ENTREP2: variants seen among roughly 807,000 people sequenced by gnomAD.
ENTREP2 encodes protein ENTREP2.
chr15:29,456,104 C>T, the ENTREP2 span, among the ~76,000 whole-genome samples: 1 of 152,154 alleles, frequency 6.6e-6, no homozygotes, highest in Non-Finnish European at 1.5e-5. Flanking sequence ...ATCCCCACCC[C>T]CTCCCTGTCC....
At chr15:29,141,557 G>A in the ENTREP2 span, among the ~76,000 whole-genome samples, 1 of 152,116 alleles carries the variant, frequency 6.6e-6, no homozygotes, top group South Asian at 2.1e-4. Context: ...GGTCCCAGCC[G>A]GGTCTGCTCA....
chr15:29,644,461 G>C, the ENTREP2 span, among the ~76,000 whole-genome samples: 5 of 152,196 alleles, frequency 3.3e-5, no homozygotes, highest in Admixed American at 1.3e-4. Flanking sequence ...GTCATATAGA[G>C]ACAGGGAAGT....
At chr15:29,284,025 A>G in the ENTREP2 span, among the ~76,000 whole-genome samples, 1 of 152,224 alleles carries the variant, frequency 6.6e-6, no homozygotes. Flanking sequence ...GGATCAAGAT[A>G]TGGAGGGTGG....
the ENTREP2 span, among the ~76,000 whole-genome samples, chr15:29,235,667 A>T: frequency 6.6e-6 from 1 of 152,338 alleles, no homozygotes; most frequent in South Asian, 2.1e-4. Flanking sequence ...ACCTCAGGAA[A>T]CTAGATAAAG....
the ENTREP2 span, among the ~76,000 whole-genome samples, chr15:29,171,555 T>C: frequency 4.3e-3 from 661 of 152,286 alleles, 2 homozygotes; most frequent in African/African-American, 0.015. Flanking sequence ...GTAAGGTATT[T>C]TTTTTTAAGG....
the ENTREP2 span, among the ~76,000 whole-genome samples, chr15:29,386,432 C>T: frequency 6.6e-6 from 1 of 152,260 alleles, no homozygotes; most frequent in South Asian, 2.1e-4. Flanking sequence ...TGTCACACGC[C>T]CGGTGAGGCG....
chr15:29,332,304 G>A, the ENTREP2 span, among the ~76,000 whole-genome samples: 2 of 151,946 alleles, frequency 1.3e-5, no homozygotes, highest in Non-Finnish European at 2.9e-5. Context: ...TATAGCCATA[G>A]CTTTACATGT....
At chr15:29,358,730 G>A in the ENTREP2 span, among the ~76,000 whole-genome samples, 14 of 151,932 alleles carry the variant, frequency 9.2e-5, no homozygotes, top group African/African-American at 2.9e-4. Flanking sequence ...CACTCTCAAC[G>A]TGGTATTTAT....
chr15:29,561,974 G>A, the ENTREP2 span, among the ~76,000 whole-genome samples: 1 of 152,200 alleles, frequency 6.6e-6, no homozygotes, highest in Non-Finnish European at 1.5e-5. Context: ...CCAATGGTGA[G>A]AAGGGCTGAC....
chr15:29,289,951 A>G, the ENTREP2 span, among the ~76,000 whole-genome samples: 1 of 152,182 alleles, frequency 6.6e-6, no homozygotes, highest in Non-Finnish European at 1.5e-5. Context: ...AAATGCATAA[A>G]TAAAATGCAG....
chr15:29,255,986 G>A, the ENTREP2 span, among the ~76,000 whole-genome samples: 1 of 132,842 alleles, frequency 7.5e-6, no homozygotes, highest in African/African-American at 2.9e-5. Context: ...GAGCGACAGA[G>A]CGAGAGTCCG....
At chr15:29,658,276 T>C in the ENTREP2 span, among the ~76,000 whole-genome samples, 1 of 152,206 alleles carries the variant, frequency 6.6e-6, no homozygotes, top group Non-Finnish European at 1.5e-5. Flanking sequence ...CCTGCCACCT[T>C]GTGAAGAAAG....
the ENTREP2 span, among the ~76,000 whole-genome samples, chr15:29,185,465 T>A: frequency 6.6e-6 from 1 of 152,234 alleles, no homozygotes; most frequent in Non-Finnish European, 1.5e-5. Flanking sequence ...ATTTGAAGCA[T>A]GAGTCTGATG....
the ENTREP2 span, among the ~76,000 whole-genome samples, chr15:29,359,130 G>A: frequency 5.9e-5 from 9 of 152,268 alleles, no homozygotes; most frequent in East Asian, 9.6e-4. Flanking sequence ...AGAAAGAGCC[G>A]CAGTGAATAT....
At chr15:29,584,358 G>C in the ENTREP2 span, among the ~76,000 whole-genome samples, 8 of 152,108 alleles carry the variant, frequency 5.3e-5, no homozygotes, top group African/African-American at 1.9e-4. Context: ...CTTCATTGCA[G>C]CATTATTCAC....
At chr15:29,176,348 G>A in the ENTREP2 span, among the ~76,000 whole-genome samples, 1 of 152,114 alleles carries the variant, frequency 6.6e-6, no homozygotes, top group East Asian at 1.9e-4. Flanking sequence ...TAATGCAGCT[G>A]GTAGTTCTCA....
At chr15:29,444,863 G>C in the ENTREP2 span, among the ~76,000 whole-genome samples, 1 of 152,204 alleles carries the variant, frequency 6.6e-6, no homozygotes, top group South Asian at 2.1e-4. Flanking sequence ...GGGGGGCACT[G>C]GCAGGCGGTC....
the ENTREP2 span, among the ~76,000 whole-genome samples, chr15:29,397,436 A>C: frequency 6.6e-6 from 1 of 152,180 alleles, no homozygotes; most frequent in Non-Finnish European, 1.5e-5. Flanking sequence ...CTTATAAGTA[A>C]GTAATCAATA....
the ENTREP2 span, among the ~76,000 whole-genome samples, chr15:29,454,254 G>C: frequency 2.0e-5 from 3 of 152,146 alleles, no homozygotes; most frequent in Non-Finnish European, 2.9e-5. Flanking sequence ...TTGCCAACTA[G>C]AGTCCACTGC....
Sources: allele counts gnomAD v4.1 joint callset (sites outside exome capture counted in the v4.1 genomes callset), GRCh38; gene constraint gnomAD v4.1.1; transcripts MANE v1.5; gene names NCBI Gene and HGNC (gene_info 2026-07-23, HGNC 2026-07-21).